CEP70: variants seen among roughly 807,000 people sequenced by gnomAD.
CEP70 encodes centrosomal protein 70.
In CEP70, 70 loss-of-function variants were observed where a neutral mutation model predicts 90.9. That is an observed-to-expected ratio of 0.77 (90% CI 0.64 to 0.94). The LOEUF (loss-of-function observed/expected upper bound fraction) is 0.94, where lower values mean the gene tolerates loss of function less well. Ranked by LOEUF, CEP70 falls within the 40% of genes least tolerant of loss-of-function variation. The probability of loss-of-function intolerance (pLI) is 0.00; values close to 1 mark genes in which losing one functional copy is unlikely to be tolerated. For synonymous variants in CEP70, 220 were observed against 228.3 expected, an observed-to-expected ratio of 0.96 and a Z score of 0.33; for missense variants, 648 against 669.0, an observed-to-expected ratio of 0.97 and a Z score of 0.35.
chr3:138,551,178 AAAACTAT>A (rs1389855236), intron 6 of CEP70, among the ~76,000 whole-genome samples: 1 of 152,236 alleles, frequency 6.6e-6, no homozygotes, highest in Non-Finnish European at 1.5e-5. Flanking sequence ...TTCTCAGCAG[AAAACTAT>A]AAGCTAGAAG....
intron 6 of CEP70, among the ~76,000 whole-genome samples, chr3:138,538,783 G>T (rs1021147828): frequency 3.3e-5 from 5 of 151,762 alleles, no homozygotes; most frequent in African/African-American, 1.2e-4. Flanking sequence ...CAGAGGTTTT[G>T]ATTATTGACA....
chr3:138,497,706 C>T, intron 17 of CEP70: 1 of 985,136 alleles, frequency 1.0e-6, no homozygotes, highest in Non-Finnish European at 1.2e-6. Context: ...GGAGGAAGGA[C>T]CTTCTAAGAT....
intron 6 of CEP70, among the ~76,000 whole-genome samples, chr3:138,541,414 A>G (rs1298942652): frequency 2.6e-5 from 3 of 116,874 alleles, no homozygotes; most frequent in African/African-American, 1.0e-4. Flanking sequence ...AAGAAAAAGA[A>G]AAAGAAAAAG....
intron 6 of CEP70, among the ~76,000 whole-genome samples, chr3:138,559,014 A>G (rs1014412264): frequency 6.6e-6 from 1 of 152,188 alleles, no homozygotes; most frequent in Non-Finnish European, 1.5e-5. Flanking sequence ...TGCAAACACC[A>G]CCTCTATCTT....
At chr3:138,511,301 A>G (rs1358560478) in intron 11 of CEP70, among the ~76,000 whole-genome samples, 1 of 152,254 alleles carries the variant, frequency 6.6e-6, no homozygotes, top group Non-Finnish European at 1.5e-5. Flanking sequence ...TAGTGAGTAT[A>G]TGCCCAAGCC....
intron 12 of CEP70, among the ~76,000 whole-genome samples, chr3:138,505,964 C>T (rs551638903): frequency 4.5e-4 from 68 of 152,306 alleles, no homozygotes; most frequent in African/African-American, 1.5e-3. Context: ...AACCAAATAT[C>T]GGGCATCCTA....
chr3:138,590,153 C>T (rs1049611895), intron 2 of CEP70, among the ~76,000 whole-genome samples: 4 of 151,842 alleles, frequency 2.6e-5, no homozygotes, highest in Non-Finnish European at 5.9e-5. Flanking sequence ...TTTCAGTAAT[C>T]ATATTGATGG....
intron 2 of CEP70, among the ~76,000 whole-genome samples, chr3:138,586,636 A>T (rs2042117992): frequency 6.6e-6 from 1 of 152,228 alleles, no homozygotes; most frequent in South Asian, 2.1e-4. Flanking sequence ...AAAACAATTG[A>T]ACTCATGGAG....
intron 7 of CEP70, among the ~76,000 whole-genome samples, chr3:138,536,056 T>C (rs1411266638): frequency 6.6e-6 from 1 of 152,156 alleles, no homozygotes; most frequent in Non-Finnish European, 1.5e-5. Context: ...TCTGACCTCA[T>C]TTATTTTTAT....
chr3:138,520,362 C>G (rs113708531), intron 11 of CEP70, among the ~76,000 whole-genome samples: 67 of 152,300 alleles, frequency 4.4e-4, no homozygotes, highest in African/African-American at 1.6e-3. Context: ...CTCTCCACCC[C>G]AAAGCAATAG....
At chr3:138,553,588 G>A (rs1398000892) in intron 6 of CEP70, among the ~76,000 whole-genome samples, 1 of 151,428 alleles carries the variant, frequency 6.6e-6, no homozygotes, top group Non-Finnish European at 1.5e-5. Flanking sequence ...AAAAGACAGA[G>A]AAAGAGGGAA....
intron 5 of CEP70, 47 bp downstream of exon 5, chr3:138,570,987 T>C (rs2041132655): frequency 7.7e-6 from 11 of 1,437,522 alleles, no homozygotes; most frequent in Non-Finnish European, 1.0e-5. Context: ...CAGTTATTTT[T>C]AGAACGCATA....
intron 11 of CEP70, among the ~76,000 whole-genome samples, chr3:138,523,595 A>G (rs968550413): frequency 6.6e-4 from 100 of 152,268 alleles, no homozygotes; most frequent in Non-Finnish European, 1.3e-3. Context: ...ACAAACAGAG[A>G]GCCAAATCAT....
chr3:138,552,970 T>C (rs2039729063), intron 6 of CEP70, among the ~76,000 whole-genome samples: 1 of 152,016 alleles, frequency 6.6e-6, no homozygotes, highest in Admixed American at 6.5e-5. Flanking sequence ...TCAAATAAGC[T>C]GAATTAGAAA....
chr3:138,504,564 T>A (rs750232482), intron 13 of CEP70, among the ~76,000 whole-genome samples: 4 of 152,220 alleles, frequency 2.6e-5, no homozygotes, highest in Non-Finnish European at 5.9e-5. Flanking sequence ...CACATTTTCA[T>A]TAACAGGCAT....
Position 138,533,812 on chromosome 3 carries a change from A to G in CEP70, c.636-1242T>C, listed in dbSNP as rs148117981. Among the ~76,000 whole-genome samples, 717 of 151,636 alleles carry G rather than the reference A, an allele frequency of 4.7e-3. 4 individuals are homozygous for G. The highest frequency in any genetic ancestry group is 0.017 in the African/African-American group (690 of 41,312). Reference sequence around the variant, plus strand: ...TTTGTTTGTTTGTTTTTTGAGATGGAGTCATGCTGTCGCCCAGGCTGGAGT... The same window carrying G: ...TTTGTTTGTTTGTTTTTTGAGATGGGGTCATGCTGTCGCCCAGGCTGGAGT... On this transcript the variant is annotated intron_variant, in intron 7 of 17. Coordinates refer to ENST00000264982, the MANE Select transcript of CEP70 (RefSeq NM_024491.4).
At chr3:138,544,408 C>A in intron 6 of CEP70, among the ~76,000 whole-genome samples, 1 of 149,926 alleles carries the variant, frequency 6.7e-6, no homozygotes. Context: ...AATCCTGGTA[C>A]ACTATAGGTG....
intron 8 of CEP70, chr3:138,530,918 A>G (rs1258484225): frequency 6.8e-6 from 6 of 885,550 alleles, no homozygotes; most frequent in African/African-American, 1.8e-5. Context: ...CACTCAGTCA[A>G]TGAATCCCGA....
At chr3:138,576,432 G>A (rs1292640153) in intron 2 of CEP70, among the ~76,000 whole-genome samples, 3 of 152,076 alleles carry the variant, frequency 2.0e-5, no homozygotes, top group Non-Finnish European at 4.4e-5. Flanking sequence ...CCCAATACAG[G>A]AGCACCCAGA....
Sources: allele counts gnomAD v4.1 joint callset (sites outside exome capture counted in the v4.1 genomes callset), GRCh38; gene constraint gnomAD v4.1.1; transcripts MANE v1.5; gene names NCBI Gene and HGNC (gene_info 2026-07-23, HGNC 2026-07-21).